Variants in GAB1 observed in about 807,000 individuals in gnomAD.
GAB1 encodes the protein GRB2 associated binding protein 1, also known as GRB2-associated-binding protein 1.
In GAB1, 19 loss-of-function variants were observed where a neutral mutation model predicts 66.5. The ratio of observed to expected loss-of-function variants is 0.29; its 90% CI spans 0.20 to 0.42. The LOEUF is 0.42. Ranked by LOEUF, GAB1 falls within the 10% of genes least tolerant of loss-of-function variation. The pLI is 1.00. For synonymous variants in GAB1, 294 were observed against 301.4 expected (o/e 0.98, Z 0.25); for missense variants, 732 against 858.5 (o/e 0.85, Z 1.84).
chr4:143,428,458 G>T (rs1733480217), intron 2 of GAB1, among the ~76,000 whole-genome samples: 1 of 152,142 alleles, frequency 6.6e-6, no homozygotes, highest in Non-Finnish European at 1.5e-5. Flanking sequence ...ACCTGGCTTT[G>T]GTTAGCTCCC....
At chr4:143,344,963 G>A (rs1356605064) in intron 1 of GAB1, among the ~76,000 whole-genome samples, 1 of 152,116 alleles carries the variant, frequency 6.6e-6, no homozygotes, top group Non-Finnish European at 1.5e-5. Flanking sequence ...TGTTATCTCT[G>A]TTACATTAGC....
Position 143,450,851 on chromosome 4 carries a change from A to G in GAB1, c.1586-8534A>G, listed in dbSNP as rs187990301. Among the ~76,000 whole-genome samples, 6 of 152,020 alleles carry G rather than the reference A, an allele frequency of 3.9e-5. No homozygotes were observed. In the East Asian group the frequency reaches 9.7e-4, roughly 25 times the overall value. On this transcript the variant is annotated intron_variant, in intron 6 of 9. Transcript: ENST00000262994. Reference sequence around the variant, plus strand: ...GGTTGCAGTGAGCTGAGATCATGCTACTGCACTCCAGCCTGGGCAACAGAG... The same window carrying G: ...GGTTGCAGTGAGCTGAGATCATGCTGCTGCACTCCAGCCTGGGCAACAGAG...
At chr4:143,417,308 G>T (rs1271281832) in intron 2 of GAB1, 1 of 268,528 alleles carries the variant, frequency 3.7e-6, no homozygotes, top group South Asian at 3.8e-5. Flanking sequence ...TTGAATGAGG[G>T]ACTGAGATTT....
chr4:143,362,366 C>G (rs888756665), intron 1 of GAB1, among the ~76,000 whole-genome samples: 5 of 151,948 alleles, frequency 3.3e-5, no homozygotes, highest in African/African-American at 4.8e-5. Context: ...AGAAAGAATT[C>G]GAGACAAATC....
chr4:143,421,334 A>T (rs1228021062), intron 2 of GAB1, among the ~76,000 whole-genome samples: 1 of 152,112 alleles, frequency 6.6e-6, no homozygotes, highest in Non-Finnish European at 1.5e-5. Context: ...TTCAATTTTT[A>T]GTTAACACAA....
rs573110494 is a variant in GAB1 at position 143,378,627 on chromosome 4, G to A, written c.73-36850G>A. Among the ~76,000 whole-genome samples the A allele has an allele frequency of 2.6e-5, 3 of 116,294 alleles. No individual in the cohort carries two copies. In the East Asian group the frequency reaches 7.5e-4, roughly 29 times the overall value. The allele number at this position is 116,294 out of a possible 152,430, so 76.3% of individuals were successfully genotyped here. A position where few individuals can be genotyped will look rare whatever the true frequency, so the allele number is the denominator to read the frequency against. On this transcript the variant is annotated intron_variant, in intron 1 of 9. Transcript: ENST00000262994. ...GTGACAGCCTATTGGAACTTCCAAA[G>A]TGTCTCTCTCTCTCTCTCTCTCTCT...
intron 1 of GAB1, among the ~76,000 whole-genome samples, chr4:143,367,817 C>T (rs780043750): frequency 4.0e-5 from 6 of 150,748 alleles, no homozygotes; most frequent in Non-Finnish European, 7.4e-5. Flanking sequence ...CTCTGCCTCC[C>T]GGGTTCAAAT....
chr4:143,369,540 T>A (rs1175867227), intron 1 of GAB1, among the ~76,000 whole-genome samples: 5 of 152,246 alleles, frequency 3.3e-5, no homozygotes, highest in Non-Finnish European at 7.3e-5. Flanking sequence ...AAGGTCAGCC[T>A]CAATAATAGA....
chr4:143,452,682 A>G (rs945681998), intron 6 of GAB1, among the ~76,000 whole-genome samples: 5 of 152,204 alleles, frequency 3.3e-5, no homozygotes, highest in Non-Finnish European at 5.9e-5. Context: ...TAGGGAGCAG[A>G]TCACATGATC....
chr4:143,353,673 CA>C (rs552747425), intron 1 of GAB1, among the ~76,000 whole-genome samples: 89 of 122,054 alleles, frequency 7.3e-4, no homozygotes, highest in Non-Finnish European at 9.2e-4. Context: ...AGATCCTGAC[CA>C]AAAAAAAAAA....
In GAB1 at chr4:143,438,082, C is replaced by G; in HGVS notation, c.677C>G (p.Ser226Cys). ...NVPSHKNPAS[S>C]QSKHGMNGFF... ...CCTTCTCATAAAAATCCTGCTTCCT[C>G]CCAGAGCAAACATGGAATGAATGGC... is the stretch of plus-strand genomic sequence containing the variant. The change falls in exon 4 of 10, where the codon TCC becomes TGC. Residue 226 changes from serine (S) to cysteine (C), a missense_variant. By Grantham distance (112) the Ser-to-Cys change is moderately radical. Coordinates refer to ENST00000262994, the MANE Select transcript of GAB1 (RefSeq NM_002039.4). 6.2e-7 allele frequency: 1 copy of G among 1,614,076 alleles called. No individual in the cohort carries two copies. The highest frequency in any genetic ancestry group is 8.5e-7 in the Non-Finnish European group (1 of 1,179,980).
intron 1 of GAB1, among the ~76,000 whole-genome samples, chr4:143,371,228 AATGATCGCC>A (rs1236456413): frequency 6.6e-6 from 1 of 151,964 alleles, no homozygotes; most frequent in Non-Finnish European, 1.5e-5. Context: ...CTGACTTTTT[AATGATCGCC>A]ATTCTAACTG....
intron 2 of GAB1, among the ~76,000 whole-genome samples, chr4:143,429,619 G>A (rs1378737240): frequency 2.6e-5 from 4 of 152,098 alleles, no homozygotes; most frequent in South Asian, 2.1e-4. Flanking sequence ...AACCCTGTAC[G>A]GGGACTGTGT....
intron 6 of GAB1, among the ~76,000 whole-genome samples, chr4:143,450,866 G>A (rs1056959189): frequency 6.6e-6 from 1 of 150,798 alleles, no homozygotes; most frequent in Non-Finnish European, 1.5e-5. Context: ...ACTCCAGCCT[G>A]GGCAACAGAG....
At chr4:143,463,622 CAAAA>C (rs76973454) in intron 8 of GAB1, among the ~76,000 whole-genome samples, 1 of 66,322 alleles carries the variant, frequency 1.5e-5, no homozygotes. Flanking sequence ...GACTCCATCT[CAAAA>C]AAAAAAAAAA....
At chr4:143,394,995 T>G (rs980602374) in intron 1 of GAB1, 1 of 152,206 alleles carries the variant, frequency 6.6e-6, no homozygotes, top group African/African-American at 2.4e-5. Context: ...TTGCAGGGCT[T>G]TCAAGCCTGT....
chr4:143,379,133 C>A (rs1029583465), intron 1 of GAB1, among the ~76,000 whole-genome samples: 4 of 152,032 alleles, frequency 2.6e-5, no homozygotes, highest in African/African-American at 9.7e-5. Context: ...CTGGGGACTA[C>A]AATTCAGAGT....
chr4:143,424,974 C>T, intron 2 of GAB1: 1 of 612,242 alleles, frequency 1.6e-6, no homozygotes. Flanking sequence ...AAAAAAAAGG[C>T]CTTTCTGTGC....
rs1289151316 is a variant in GAB1 at position 143,438,355 on chromosome 4, A to T, written c.950A>T (p.Tyr317Phe). The stretch of plus-strand genomic sequence containing the variant: ...ATTCCTCCAACACCTGGTAATACTT[A>T]TCAGATTCCACGAACATTTCCAGAA... ...YDIPPTPGNTYQIPRTFPEGT... is the reference protein window; with the variant it reads ...YDIPPTPGNTFQIPRTFPEGT... The change falls in exon 4 of 10, where the codon TAT (tyrosine) becomes TTT (phenylalanine). Residue 317 changes from tyrosine (Y) to phenylalanine (F), a missense_variant. Physicochemically the swap from Tyr to Phe is conservative, Grantham distance 22. This residue lies in a region of GAB1 where 427 missense variants were observed against 420.6 expected (regional missense o/e 1.02). Coordinates refer to ENST00000262994, the MANE Select transcript of GAB1 (RefSeq NM_002039.4). 3.1e-6 allele frequency: 5 copies of T among 1,614,124 alleles called. No homozygotes were observed. In the East Asian group the frequency reaches 8.9e-5, roughly 29 times the overall value.
Sources: allele counts gnomAD v4.1 joint callset (sites outside exome capture counted in the v4.1 genomes callset), GRCh38; gene constraint gnomAD v4.1.1; regional missense constraint gnomAD v4.1.1; transcripts MANE v1.5; gene names NCBI Gene and HGNC (gene_info 2026-07-23, HGNC 2026-07-21).